Variants in DNAJC17 observed in about 807,000 individuals in gnomAD.
DNAJC17 encodes DnaJ heat shock protein family (Hsp40) member C17.
In DNAJC17, 35 loss-of-function variants were observed where a neutral mutation model predicts 48.1. That is an observed-to-expected ratio of 0.73 (90% CI 0.56 to 0.96). The LOEUF is 0.96. Among genes scored for constraint, DNAJC17 ranks in the 50% least tolerant of loss-of-function variants. DNAJC17 has a pLI of 0.00. For synonymous variants in DNAJC17, 117 were observed against 142.7 expected, an observed-to-expected ratio of 0.82 and a Z score of 1.28; for missense variants, 355 against 377.1, an observed-to-expected ratio of 0.94 and a Z score of 0.48.
At chr15:40,780,803 ACTCTGTCT>A (rs1889464530) in intron 1 of DNAJC17, among the ~76,000 whole-genome samples, 1 of 150,760 alleles carries the variant, frequency 6.6e-6, no homozygotes, top group Non-Finnish European at 1.5e-5. Context: ...ACAGAGCAAG[ACTCTGTCT>A]CAAATAAAAT....
rs1451991392 is a variant in DNAJC17 at position 40,800,881 on chromosome 15, C to A, written c.78+6488G>T. ...GACTGAAGCAGAGAATTGCTTGAAC[C>A]TGGGAGGCAGAGGTTATAGTGAGCC... On this transcript the variant is annotated intron_variant, in intron 1 of 10. Coordinates refer to ENST00000220496, the MANE Select transcript of DNAJC17 (RefSeq NM_018163.3). Among the ~76,000 whole-genome samples the A allele has an allele frequency of 2.0e-5, 3 of 151,148 alleles. No homozygotes were observed. In the Admixed American group the frequency reaches 2.0e-4, roughly 10 times the overall value.
Position 40,789,903 on chromosome 15 carries a change from C to CAAAAAAAAAAAAAAAAAAAAA in DNAJC17, c.79-9927_79-9907dup, listed in dbSNP as rs71428311. On this transcript the variant is annotated intron_variant, in intron 1 of 10. Transcript: ENST00000220496. ...CCTGGGAGACAGAGACAGACTGTCTCAAAAAAAAAAAAAAAAAAAAAAAAA... is the reference window on the plus strand; with the variant it reads ...CCTGGGAGACAGAGACAGACTGTCTCAAAAAAAAAAAAAAAAAAAAAAAAAAAAAAAAAAAAAAAAAAAAAA... Among the ~76,000 whole-genome samples the CAAAAAAAAAAAAAAAAAAAAA allele has an allele frequency of 1.5e-3, 31 of 20,018 alleles. 4 individuals are homozygous for CAAAAAAAAAAAAAAAAAAAAA. Among genetic ancestry groups the CAAAAAAAAAAAAAAAAAAAAA allele is most frequent in the Admixed American group, 2.4e-3 (3 of 1,246 alleles). 13.1% of individuals were successfully genotyped at this position (20,018 alleles called of 152,430 possible). A position where few individuals can be genotyped will look rare whatever the true frequency, so the allele number is the denominator to read the frequency against.
chr15:40,798,300 A>C (rs1889989904), intron 1 of DNAJC17, among the ~76,000 whole-genome samples: 1 of 152,188 alleles, frequency 6.6e-6, no homozygotes, highest in Non-Finnish European at 1.5e-5. Flanking sequence ...AGTCAAATTC[A>C]TATAGAGAAA....
chr15:40,798,215 T>A (rs1889987031), intron 1 of DNAJC17, among the ~76,000 whole-genome samples: 1 of 152,232 alleles, frequency 6.6e-6, no homozygotes, highest in Non-Finnish European at 1.5e-5. Flanking sequence ...GAAAGCATGA[T>A]GTTAATTAAG....
chr15:40,776,114 C>A (rs1889310417), intron 6 of DNAJC17, 82 bp downstream of exon 6: 1 of 1,361,062 alleles, frequency 7.3e-7, no homozygotes, highest in African/African-American at 1.4e-5. Context: ...TCCACAGCAG[C>A]TCCACCGAAC....
At chr15:40,771,656 T>C (rs985914252) in intron 10 of DNAJC17, 1 of 170,058 alleles carries the variant, frequency 5.9e-6, no homozygotes, top group African/African-American at 2.4e-5. Flanking sequence ...TGCACCGTTA[T>C]TCCAGATTCC....
rs1427458880 is a variant in DNAJC17, at chr15:40,784,306, A to C, written c.79-4309T>G. The stretch of plus-strand genomic sequence containing the variant: ...TCATTTTCTTTCCTTTTTTTGAGAG[A>C]ATGCTTTCTGAATTTTATTCTAAGG... On this transcript the variant is annotated intron_variant, in intron 1 of 10. Transcript: ENST00000220496. Among the ~76,000 whole-genome samples the C allele has an allele frequency of 2.6e-5, 4 of 151,894 alleles. No individual in the cohort carries two copies. In the South Asian group the frequency reaches 8.3e-4, roughly 32 times the overall value.
Position 40,779,618 on chromosome 15 carries a change from C to A in DNAJC17, c.149-15G>T, listed in dbSNP as rs185892927. 2 of 1,610,952 alleles carry A rather than the reference C, an allele frequency of 1.2e-6. No individual in the cohort carries two copies. The highest frequency in any genetic ancestry group is 2.2e-5 in the East Asian group (1 of 44,800). ...GAAGAGTTCAGCTAAACATAAGGAT[C>A]AAAAAGACAGAAGAAAAATAAAGTT... On this transcript the variant is annotated splice_polypyrimidine_tract_variant and intron_variant, in intron 2 of 10. Transcript: ENST00000220496.
intron 1 of DNAJC17, among the ~76,000 whole-genome samples, chr15:40,798,990 C>T (rs1038889757): frequency 6.6e-6 from 1 of 151,934 alleles, no homozygotes; most frequent in Non-Finnish European, 1.5e-5. Flanking sequence ...GAGGCTGAGG[C>T]GGGCGGATCA....
At chr15:40,801,771 A>T (rs1890083133) in intron 1 of DNAJC17, among the ~76,000 whole-genome samples, 1 of 152,012 alleles carries the variant, frequency 6.6e-6, no homozygotes, top group Non-Finnish European at 1.5e-5. Flanking sequence ...AAGAAAAGAA[A>T]TTCTATTGAG....
intron 4 of DNAJC17, among the ~76,000 whole-genome samples, chr15:40,777,447 G>A (rs542937512): frequency 5.3e-5 from 8 of 152,206 alleles, no homozygotes; most frequent in East Asian, 1.9e-4. Context: ...GGCCAGGCGC[G>A]GTGGCTCACG....
rs1350432230 is a variant in DNAJC17 at position 40,807,185 on chromosome 15, T to C, written c.78+184A>G. ...AGAGCCCTCTGTACCCCGCTTCCTCTTGAGGCCCTCGGACCGTCCAGGAAA... is the reference window on the plus strand; with the variant it reads ...AGAGCCCTCTGTACCCCGCTTCCTCCTGAGGCCCTCGGACCGTCCAGGAAA... On this transcript the variant is annotated intron_variant, in intron 1 of 10. Transcript: ENST00000220496. 3.5e-6 allele frequency: 5 copies of C among 1,437,524 alleles called. No homozygotes were observed. In the African/African-American group the frequency reaches 4.3e-5, roughly 12 times the overall value. 89.0% of individuals were successfully genotyped at this position (1,437,524 alleles called of 1,614,324 possible). A position where few individuals can be genotyped will look rare whatever the true frequency, so the allele number is the denominator to read the frequency against.
chr15:40,799,122 G>A (rs1227152795), intron 1 of DNAJC17, among the ~76,000 whole-genome samples: 1 of 150,456 alleles, frequency 6.6e-6, no homozygotes, highest in Non-Finnish European at 1.5e-5. Context: ...CTACTCGGGA[G>A]ACTGAGGCAG....
Position 40,767,477 on chromosome 15 carries a change from C to A in DNAJC17, c.*463G>T, listed in dbSNP as rs571040859. On this transcript the variant is annotated 3_prime_UTR_variant, in exon 11 of 11. Coordinates refer to ENST00000220496, the MANE Select transcript of DNAJC17 (RefSeq NM_018163.3). ...CAAATCATCACCGCCATGGGCCCAG[C>A]CCCAAAGGGCAGTGAATGGCCTTCT... The A allele has an allele frequency of 1.2e-5, 13 of 1,102,138 alleles. No homozygotes were observed. In the Admixed American group the frequency reaches 1.5e-4, roughly 13 times the overall value. 68.3% of individuals were successfully genotyped at this position (1,102,138 alleles called of 1,614,324 possible).
At position 40,767,092 on chromosome 15, in the gene DNAJC17, C is replaced by A; in HGVS notation, c.*848G>T. 1 of 871,286 alleles carries A rather than the reference C, an allele frequency of 1.1e-6. No homozygotes were observed. The highest frequency in any genetic ancestry group is 1.7e-6 in the Non-Finnish European group (1 of 605,940). The allele number at this position is 871,286 out of a possible 1,614,324, so 54.0% of individuals were successfully genotyped here. A position where few individuals can be genotyped will look rare whatever the true frequency, so the allele number is the denominator to read the frequency against. ...GGAGGAGGCAGGGGGCGTGCACTTA[C>A]CCCAGCGCCCAGCAAGCAGCCAGCA... On this transcript the variant is annotated 3_prime_UTR_variant, in exon 11 of 11. Transcript: ENST00000220496.
chr15:40,801,484 C>T (rs192199634), intron 1 of DNAJC17, among the ~76,000 whole-genome samples: 44 of 152,138 alleles, frequency 2.9e-4, no homozygotes, highest in African/African-American at 1.0e-3. Flanking sequence ...TGGCTGGGTG[C>T]GGTGGCTCAC....
At chr15:40,797,684 T>A (rs867229173) in intron 1 of DNAJC17, among the ~76,000 whole-genome samples, 18 of 150,954 alleles carry the variant, frequency 1.2e-4, no homozygotes, top group Non-Finnish European at 4.4e-5. Context: ...AGTGCTGGGA[T>A]TACAGGTGTA....
At chr15:40,805,397 A>T (rs958220605) in intron 1 of DNAJC17, among the ~76,000 whole-genome samples, 4 of 133,942 alleles carry the variant, frequency 3.0e-5, no homozygotes, top group Non-Finnish European at 6.7e-5. Flanking sequence ...AAAAAAAAAA[A>T]TTAGCCGGGC....
chr15:40,777,308 G>C (rs1180191826), intron 4 of DNAJC17, among the ~76,000 whole-genome samples: 1 of 149,022 alleles, frequency 6.7e-6, no homozygotes, highest in African/African-American at 2.5e-5. Flanking sequence ...TTTGAGATGG[G>C]GTCTCCTGGC....
Sources: gnomAD v4.1 joint callset for allele counts (sites outside exome capture counted in the v4.1 genomes callset) on GRCh38, gnomAD v4.1.1 for gene constraint, MANE v1.5 for transcripts, NCBI Gene and HGNC (gene_info 2026-07-23, HGNC 2026-07-21) for gene names.